PAX4: variants seen among roughly 807,000 people sequenced by gnomAD.
PAX4 encodes paired box 4.
A neutral mutation model predicts 40.6 loss-of-function variants in PAX4; 33 were observed. The ratio of observed to expected loss-of-function variants is 0.81; its 90% CI spans 0.62 to 1.09. PAX4 has a LOEUF of 1.09. Among genes scored for constraint, PAX4 ranks in the 50% least tolerant of loss-of-function variants. PAX4 has a pLI of 0.00. For synonymous variants in PAX4, 174 were observed against 170.6 expected, an observed-to-expected ratio of 1.02 and a Z score of -0.16; for missense variants, 459 against 442.5, an observed-to-expected ratio of 1.04 and a Z score of -0.33.
chr7:127,614,371 T>G (rs184852743), intron 6 of PAX4, 111 bp downstream of exon 6: 205 of 856,922 alleles, frequency 2.4e-4, no homozygotes, highest in South Asian at 1.3e-3. Flanking sequence ...CCAGTCCTCC[T>G]TATTGGGTTG....
chr7:127,611,462 A>G, intron 11 of PAX4, 73 bp downstream of exon 11: 2 of 1,608,640 alleles, frequency 1.2e-6, no homozygotes, highest in Non-Finnish European at 1.7e-6. Context: ...ATGGAGATCC[A>G]TGCCCTCCTG....
chr7:127,611,437 C>T (rs574831496), intron 11 of PAX4, 98 bp downstream of exon 11: 84 of 1,596,052 alleles, frequency 5.3e-5, no homozygotes, highest in Non-Finnish European at 6.1e-5. Context: ...ATTGAGATTC[C>T]TTTGATGACC....
chr7:127,612,467 GTGGA>G (rs68012321), intron 9 of PAX4, among the ~76,000 whole-genome samples: 78,811 of 141,578 alleles, frequency 0.56, 21,638 homozygotes, highest in Admixed American at 0.6. Context: ...GAATGAATGG[GTGGA>G]TGGATGGATG....
Position 127,613,062 on chromosome 7 carries a change from C to T in PAX4, c.675G>A (p.Trp225Ter), listed in dbSNP as rs746461104. 6.2e-7 allele frequency: 1 copy of T among 1,613,478 alleles called. No individual in the cohort carries two copies. The highest frequency in any genetic ancestry group is 8.5e-7 in the Non-Finnish European group (1 of 1,179,990). ...CCCACTTGAGCTTCTCTTGCCGACG[C>T]CATTTGGCTCTTCTGTTGGAAAACC... Reference protein sequence around the residue: ...RVWFSNRRAKWRRQEKLKWEM... With the variant: ...RVWFSNRRAK The change falls in exon 9 of 12, where the codon TGG becomes TGA. Residue 225 changes from tryptophan (W) to a stop codon, truncating the protein, a stop_gained. Coordinates refer to ENST00000639438, the MANE Select transcript of PAX4 (RefSeq NM_001366110.1). LOFTEE classifies it high-confidence loss of function.
Position 127,614,518 on chromosome 7 carries a change from C to T in PAX4, c.400G>A (p.Asp134Asn). Residue 134 changes from aspartate (D) to asparagine (N), a missense_variant, in exon 6 of 12, where the codon GAC becomes AAC. Physicochemically the swap from Asp to Asn is conservative, Grantham distance 23. Transcript: ENST00000639438. The part of the protein sequence containing the change: ...INRVLRALQE[D>N]QGLPCTRLRS... ...AGCCGTGTGCACGGTAGTCCCTGGTCCTCCTGTAATGCCCGCAGGACTCGG... is the reference window on the plus strand; with the variant it reads ...AGCCGTGTGCACGGTAGTCCCTGGTTCTCCTGTAATGCCCGCAGGACTCGG... 1 of 1,597,390 alleles carries T rather than the reference C, an allele frequency of 6.3e-7. No homozygotes were observed. The highest frequency in any genetic ancestry group is 8.5e-7 in the Non-Finnish European group (1 of 1,171,684).
At chr7:127,612,931 T>A in intron 9 of PAX4, 91 bp downstream of exon 9, 1 of 922,866 alleles carries the variant, frequency 1.1e-6, no homozygotes, top group South Asian at 1.3e-5. Flanking sequence ...GATGGACGAA[T>A]GGAGGATGGA....
Position 127,613,035 on chromosome 7 carries a change from T to G in PAX4, c.702A>C (p.Glu234Asp). The stretch of plus-strand genomic sequence containing the variant: ...CAGAGAAATCACCTGGCAGCTGCAT[T>G]TCCCACTTGAGCTTCTCTTGCCGAC... ...KWRRQEKLKW[E>D]MQLPGASQGL... Residue 234 changes from glutamate to aspartate, a missense_variant, in exon 9 of 12, where the codon GAA becomes GAC. Physicochemically the swap from Glu to Asp is conservative, Grantham distance 45. Coordinates refer to ENST00000639438, the MANE Select transcript of PAX4 (RefSeq NM_001366110.1). 1.2e-6 allele frequency: 2 copies of G among 1,612,892 alleles called. No individual in the cohort carries two copies. Among genetic ancestry groups the G allele is most frequent in the Non-Finnish European group, 1.7e-6 (2 of 1,179,826 alleles).
Position 127,615,096 on chromosome 7 carries a change from C to G in PAX4, c.145-1G>C. On this transcript the variant is annotated splice_acceptor_variant, in intron 4 of 11. Coordinates refer to ENST00000639438, the MANE Select transcript of PAX4 (RefSeq NM_001366110.1). LOFTEE classifies it high-confidence loss of function. ...TCTTGCTCACACAGCCATTAGATACCTGAGTCAGGTGAGAAGCAGGGACAG... is the reference window on the plus strand; with the variant it reads ...TCTTGCTCACACAGCCATTAGATACGTGAGTCAGGTGAGAAGCAGGGACAG... 1 of 1,614,152 alleles carries G rather than the reference C, an allele frequency of 6.2e-7. No individual in the cohort carries two copies. The highest frequency in any genetic ancestry group is 8.5e-7 in the Non-Finnish European group (1 of 1,180,036).
At chr7:127,612,635 A>G (rs1794650014) in intron 9 of PAX4, among the ~76,000 whole-genome samples, 1 of 149,496 alleles carries the variant, frequency 6.7e-6, no homozygotes, top group Non-Finnish European at 1.5e-5. Context: ...AGATGGGTGG[A>G]TAAATGGGTA....
At chr7:127,615,804 T>A in intron 3 of PAX4, 112 bp downstream of exon 3, 1 of 1,525,608 alleles carries the variant, frequency 6.6e-7, no homozygotes, top group Non-Finnish European at 8.8e-7. Context: ...GGAAAAAGCT[T>A]CCCCAGAACA....
At position 127,615,435 on chromosome 7, in the gene PAX4, C is replaced by T. The variant is rs748004814; in HGVS notation, c.110G>A (p.Gly37Glu). Residue 37 changes from glycine to glutamate, a missense_variant, in exon 4 of 12, where the codon GGA (glycine) becomes GAA (glutamate). Transcript: ENST00000639438. ...CCGTGAGATGTCACAGGGCCGCATT[C>T]CACTGACTGCTAGCCGCACAATCTG... ...RQQIVRLAVS[G>E]MRPCDISRIL... 2 of 1,614,230 alleles carry T rather than the reference C, an allele frequency of 1.2e-6. No homozygotes were observed. The highest frequency in any genetic ancestry group is 1.7e-6 in the Non-Finnish European group (2 of 1,180,042).
At chr7:127,611,303 G>T in intron 11 of PAX4, 97 bp from the exon 12 acceptor site, 15 of 1,311,556 alleles carry the variant, frequency 1.1e-5, no homozygotes, top group Non-Finnish European at 1.6e-5. Flanking sequence ...TTCCCACCCT[G>T]CATATACACA....
chr7:127,612,946 T>C (rs1794659354), intron 9 of PAX4, 76 bp downstream of exon 9: 1 of 1,036,276 alleles, frequency 9.6e-7, no homozygotes, highest in East Asian at 2.4e-5. Context: ...GATGGATGGA[T>C]GGATGGATGG....
At chr7:127,615,356 C>T in intron 4 of PAX4, 45 bp downstream of exon 4, 6 of 1,613,952 alleles carry the variant, frequency 3.7e-6, no homozygotes, top group Non-Finnish European at 5.1e-6. Context: ...GCCCTTTCTC[C>T]CTGCTTCCTG....
In PAX4 at chr7:127,611,057, T is replaced by A. The variant is rs768461242; in HGVS notation, c.*7A>T. 2 of 1,599,832 alleles carry A rather than the reference T, an allele frequency of 1.3e-6. No homozygotes were observed. The highest frequency in any genetic ancestry group is 3.4e-5 in the Admixed American group (2 of 58,632). The stretch of plus-strand genomic sequence containing the variant: ...CTTCTCTATGCCATCTCCTTCCCAC[T>A]CCTGCCTCATTCCAAGCCATACAGT... On this transcript the variant is annotated 3_prime_UTR_variant, in exon 12 of 12. Transcript: ENST00000639438.
intron 6 of PAX4, among the ~76,000 whole-genome samples, chr7:127,614,211 CTCT>C (rs1324835448): frequency 1.3e-5 from 2 of 152,050 alleles, no homozygotes; most frequent in South Asian, 2.1e-4. Flanking sequence ...GCAGTCCTGC[CTCT>C]TCTTCAATAG....
intron 8 of PAX4, 85 bp from the exon 9 acceptor site, chr7:127,613,176 C>T: frequency 8.5e-7 from 1 of 1,178,302 alleles, no homozygotes; most frequent in Non-Finnish European, 1.3e-6. Flanking sequence ...CTAGCCTGAA[C>T]TCAGAATGTT....
chr7:127,615,193 T>C (rs1346911268), intron 4 of PAX4, 98 bp from the exon 5 acceptor site: 1 of 1,604,444 alleles, frequency 6.2e-7, no homozygotes, highest in East Asian at 2.2e-5. Flanking sequence ...AAGCCAAGAC[T>C]TACTGGACCA....
At position 127,611,612 on chromosome 7, in the gene PAX4, T is replaced by G. The variant is rs2116127789; in HGVS notation, c.836A>C (p.Tyr279Ser). 1 of 1,613,656 alleles carries G rather than the reference T, an allele frequency of 6.2e-7. No homozygotes were observed. The highest frequency in any genetic ancestry group is 1.7e-4 in the Middle Eastern group (1 of 6,022). ...PALEPLGPSC[Y>S]QLCWATAPER... Reference sequence around the variant, plus strand: ...TGGTGCTGTTGCCCAGCACAGCTGATAGCAGGAGGGACCCAGTGGTTCCAG... The same window carrying G: ...TGGTGCTGTTGCCCAGCACAGCTGAGAGCAGGAGGGACCCAGTGGTTCCAG... The change falls in exon 11 of 12, where the codon TAT (tyrosine) becomes TCT (serine). Residue 279 changes from tyrosine to serine, a missense_variant. Coordinates refer to ENST00000639438, the MANE Select transcript of PAX4 (RefSeq NM_001366110.1).
Sources: gnomAD v4.1 joint callset for allele counts (sites outside exome capture counted in the v4.1 genomes callset) on GRCh38, gnomAD v4.1.1 for gene constraint, MANE v1.5 for transcripts, NCBI Gene and HGNC (gene_info 2026-07-23, HGNC 2026-07-21) for gene names.